The following FGF12 variants were observed in gnomAD, a reference collection of about 807,000 sequenced individuals.
FGF12 encodes fibroblast growth factor 12.
In FGF12, 14 loss-of-function variants were observed where a neutral mutation model predicts 23.6. The ratio of observed to expected loss-of-function variants is 0.59; its 90% CI spans 0.39 to 0.93. The LOEUF is 0.93. Among genes scored for constraint, FGF12 ranks in the 40% least tolerant of loss-of-function variants. FGF12 has a pLI of 0.00. For missense variants in FGF12, 175 were observed against 217.8 expected (o/e 0.80, Z 1.24); for synonymous variants, 62 against 77.3 (o/e 0.80, Z 1.04).
chr3:192,665,422 A>C (rs1716830562), intron 2 of FGF12, among the ~76,000 whole-genome samples: 1 of 152,222 alleles, frequency 6.6e-6, no homozygotes, highest in Non-Finnish European at 1.5e-5. Context: ...ATGGAATACT[A>C]TGCAGCCATA....
intron 2 of FGF12, among the ~76,000 whole-genome samples, chr3:192,512,840 ATATAT>A (rs1724526031): frequency 8.4e-6 from 1 of 119,142 alleles, no homozygotes; most frequent in Non-Finnish European, 1.8e-5. Flanking sequence ...AAATAAATAT[ATATAT>A]ATATATATAT....
chr3:192,460,822 G>A (rs1164966712), intron 2 of FGF12, among the ~76,000 whole-genome samples: 1 of 151,890 alleles, frequency 6.6e-6, no homozygotes, highest in Non-Finnish European at 1.5e-5. Context: ...AAGAATCATG[G>A]GGCTTAGAGA....
At chr3:192,318,038 T>C (rs577805419) in intron 4 of FGF12, among the ~76,000 whole-genome samples, 1 of 152,308 alleles carries the variant, frequency 6.6e-6, no homozygotes, top group Non-Finnish European at 1.5e-5. Flanking sequence ...AGGCTTGGGG[T>C]GCCCCCTAAT....
At chr3:192,368,618 C>G (rs940009143) in intron 2 of FGF12, among the ~76,000 whole-genome samples, 2 of 152,004 alleles carry the variant, frequency 1.3e-5, no homozygotes, top group Non-Finnish European at 2.9e-5. Flanking sequence ...TCCTCTATGC[C>G]AAGAGTCCAC....
intron 2 of FGF12, among the ~76,000 whole-genome samples, chr3:192,543,092 A>G (rs1476730171): frequency 3.9e-5 from 6 of 152,040 alleles, no homozygotes; most frequent in African/African-American, 1.4e-4. Context: ...TCCATTCAGA[A>G]TGGTGAGTTT....
intron 2 of FGF12, among the ~76,000 whole-genome samples, chr3:192,561,617 C>T (rs1712037758): frequency 6.6e-6 from 1 of 152,276 alleles, no homozygotes; most frequent in South Asian, 2.1e-4. Flanking sequence ...CCGCCTCGGC[C>T]TCCCAAAGTG....
intron 2 of FGF12, among the ~76,000 whole-genome samples, chr3:192,640,451 T>C (rs1028589228): frequency 2.6e-5 from 4 of 152,146 alleles, no homozygotes; most frequent in Non-Finnish European, 5.9e-5. Context: ...ATATCACATA[T>C]AAGTAAAGAT....
chr3:192,408,547 G>T lies in FGF12; in HGVS notation c.14-48009C>A, dbSNP rs112338811. ...CACCCCAAGGCGATCGGCGTCCAAG[G>T]GGCAGTGGGGAGTTTAGTCACACTG... On this transcript the variant is annotated intron_variant, in intron 2 of 5. Coordinates refer to ENST00000445105, the MANE Select transcript of FGF12 (RefSeq NM_004113.6). This position sits in a 1 kb window ranked among gnomAD's most constrained non-coding sequence, Gnocchi z 7.3. 2.5e-5 allele frequency: 29 copies of T among 1,163,086 alleles called. No homozygotes were observed. Among genetic ancestry groups the T allele is most frequent in the Non-Finnish European group, 2.9e-5 (27 of 941,476 alleles). The allele number at this position is 1,163,086 out of a possible 1,614,324, so 72.0% of individuals were successfully genotyped here.
At chr3:192,170,379 T>C (rs528156421) in intron 5 of FGF12, 79 bp downstream of exon 5, 13 of 1,219,374 alleles carry the variant, frequency 1.1e-5, no homozygotes, top group Non-Finnish European at 1.5e-5. Context: ...GCAAACTCTC[T>C]GGACCAAAAG....
At chr3:192,687,670 G>C (rs1717794819) in intron 2 of FGF12, among the ~76,000 whole-genome samples, 1 of 152,060 alleles carries the variant, frequency 6.6e-6, no homozygotes, top group South Asian at 2.1e-4. Context: ...CTGTACCTGT[G>C]CATGTGTAAG....
chr3:192,496,350 C>A (rs1290326715), intron 2 of FGF12, among the ~76,000 whole-genome samples: 1 of 151,802 alleles, frequency 6.6e-6, no homozygotes, highest in Non-Finnish European at 1.5e-5. Flanking sequence ...CAGGACAAGG[C>A]AATCTGTTTG....
At chr3:192,682,543 T>A (rs1383818477) in intron 2 of FGF12, among the ~76,000 whole-genome samples, 1 of 152,160 alleles carries the variant, frequency 6.6e-6, no homozygotes, top group Non-Finnish European at 1.5e-5. Context: ...TTGTATGAGG[T>A]CCCAATAGAT....
chr3:192,259,431 C>G (rs1321210778), intron 4 of FGF12, among the ~76,000 whole-genome samples: 2 of 151,830 alleles, frequency 1.3e-5, no homozygotes, highest in African/African-American at 4.8e-5. Flanking sequence ...TAAAATAGAA[C>G]AAAAAATGAA....
rs115754661 is a variant in FGF12 at position 192,300,943 on chromosome 3, G to A, written c.228+34418C>T. On this transcript the variant is annotated intron_variant, in intron 4 of 5. Transcript: ENST00000445105. ...TGAGGCATGAGAATTGCTTGAATCCGGGAGTCGAGATCACCCCACTGCACT... is the reference window on the plus strand; with the variant it reads ...TGAGGCATGAGAATTGCTTGAATCCAGGAGTCGAGATCACCCCACTGCACT... Among the ~76,000 whole-genome samples the A allele has an allele frequency of 8.3e-3, 1,256 of 152,200 alleles. 18 individuals are homozygous for A. The highest frequency in any genetic ancestry group is 0.029 in the African/African-American group (1,191 of 41,524).
At chr3:192,247,778 A>C (rs1461685357) in intron 4 of FGF12, among the ~76,000 whole-genome samples, 1 of 152,192 alleles carries the variant, frequency 6.6e-6, no homozygotes. Flanking sequence ...GATGAAGGCC[A>C]AAAGAGTGAG....
rs148638233 is a variant in FGF12 at position 192,455,921 on chromosome 3, G to A, written c.14-95383C>T. Among the ~76,000 whole-genome samples, 1,199 of 152,260 alleles carry A rather than the reference G, an allele frequency of 7.9e-3. 23 individuals are homozygous for A. Among genetic ancestry groups the A allele is most frequent in the African/African-American group, 0.027 (1,135 of 41,538 alleles). On this transcript the variant is annotated intron_variant, in intron 2 of 5. Coordinates refer to ENST00000445105, the MANE Select transcript of FGF12 (RefSeq NM_004113.6). Reference sequence around the variant, plus strand: ...TAAAGATGAAAACATACTTCACACAGTTCATGGGATGCTCAAGACAGAAGC... The same window carrying A: ...TAAAGATGAAAACATACTTCACACAATTCATGGGATGCTCAAGACAGAAGC...
At chr3:192,703,958 G>A (rs1192793516) in intron 2 of FGF12, among the ~76,000 whole-genome samples, 1 of 152,138 alleles carries the variant, frequency 6.6e-6, no homozygotes, top group Non-Finnish European at 1.5e-5. Context: ...TCTTGTCTTT[G>A]CCTCCCAAAG....
chr3:192,586,107 A>C (rs972661516), intron 2 of FGF12, among the ~76,000 whole-genome samples: 5 of 152,212 alleles, frequency 3.3e-5, no homozygotes, highest in Admixed American at 1.3e-4. Context: ...ACCATACACA[A>C]ACTGAATAAA....
intron 2 of FGF12, among the ~76,000 whole-genome samples, chr3:192,461,611 A>G (rs763995610): frequency 2.6e-5 from 4 of 152,226 alleles, no homozygotes; most frequent in African/African-American, 7.2e-5. Flanking sequence ...AACTGAGATT[A>G]TAACTGAATT....
Sources: allele counts gnomAD v4.1 joint callset (sites outside exome capture counted in the v4.1 genomes callset), GRCh38; gene constraint gnomAD v4.1.1; non-coding constraint Gnocchi (gnomAD v3.1); transcripts MANE v1.5; gene names NCBI Gene and HGNC (gene_info 2026-07-23, HGNC 2026-07-21).